The following GRID1 variants were observed in gnomAD, a reference collection of about 807,000 sequenced individuals.
The protein encoded by GRID1 is glutamate receptor ionotropic, delta-1.
GRID1 carries 28 observed loss-of-function variants against 98.0 expected under a neutral mutation model. The ratio of observed to expected loss-of-function variants is 0.29; its 90% CI spans 0.21 to 0.39. The LOEUF (loss-of-function observed/expected upper bound fraction) is 0.39. Among genes scored for constraint, GRID1 ranks in the 10% least tolerant of loss-of-function variants. The pLI, the probability that GRID1 is intolerant of heterozygous loss-of-function variation, is 1.00. For missense variants in GRID1, 1,111 were observed against 1,340.5 expected (o/e 0.83, Z 2.67); for synonymous variants, 553 against 538.5 (o/e 1.03, Z -0.37).
rs577025783 is a variant in GRID1, at chr10:86,147,186, C to T, written c.521-8162G>A. 4.6e-5 allele frequency among the ~76,000 whole-genome samples: 7 copies of T among 152,310 alleles called. No homozygotes were observed. In the East Asian group the frequency reaches 9.7e-4, roughly 21 times the overall value. ...AGGGCTCTCCTGTCCCCATCACAAT[C>T]CCAGCTCCCCAGACAACAGTCATGG... On this transcript the variant is annotated intron_variant, in intron 3 of 15. Coordinates refer to ENST00000327946, the MANE Select transcript of GRID1 (RefSeq NM_017551.3).
intron 2 of GRID1, among the ~76,000 whole-genome samples, chr10:86,300,260 CTGT>C (rs1349983064): frequency 1.3e-5 from 2 of 151,790 alleles, no homozygotes; most frequent in African/African-American, 4.8e-5. Context: ...GAATACATTT[CTGT>C]TGTTGTAAGC....
chr10:85,619,097 C>T (rs927160350), intron 14 of GRID1, among the ~76,000 whole-genome samples: 5 of 152,206 alleles, frequency 3.3e-5, no homozygotes, highest in Non-Finnish European at 7.3e-5. Flanking sequence ...AGATTCATCC[C>T]TTCACCCAGC....
intron 15 of GRID1, chr10:85,613,025 A>G (rs766718987): frequency 1.1e-5 from 2 of 186,852 alleles, no homozygotes; most frequent in Non-Finnish European, 2.2e-5. Context: ...GAAGTAAAAG[A>G]GAATCAGGAA....
chr10:85,847,696 T>C (rs187382053), intron 8 of GRID1, among the ~76,000 whole-genome samples: 5 of 151,824 alleles, frequency 3.3e-5, no homozygotes, highest in South Asian at 2.1e-4. Context: ...TCCATCCCAG[T>C]TAGATGGTAG....
chr10:85,716,767 A>G (rs771813208), intron 12 of GRID1, among the ~76,000 whole-genome samples: 11 of 149,952 alleles, frequency 7.3e-5, no homozygotes, highest in Non-Finnish European at 1.2e-4. Flanking sequence ...ATATATTTCC[A>G]TTGTGACAAC....
chr10:85,909,847 T>C (rs1841513070), intron 5 of GRID1, among the ~76,000 whole-genome samples: 1 of 152,224 alleles, frequency 6.6e-6, no homozygotes, highest in Admixed American at 6.5e-5. Flanking sequence ...TATGGTTTCC[T>C]GGGTATATAC....
Position 86,130,568 on chromosome 10 carries a change from C to T in GRID1, c.726+8251G>A, listed in dbSNP as rs537250194. ...ATGTCGAGAGGAGTTCGGTTGGAGA[C>T]AGTCAGAGAGAAGATCAGCTGCAGG... is the stretch of plus-strand genomic sequence containing the variant. On this transcript the variant is annotated intron_variant, in intron 4 of 15. Transcript: ENST00000327946. 5.9e-5 allele frequency among the ~76,000 whole-genome samples: 9 copies of T among 152,262 alleles called. No homozygotes were observed. The South Asian group carries it at 1.7e-3, about 28-fold the overall frequency.
At chr10:85,844,078 T>C (rs1356791719) in intron 8 of GRID1, among the ~76,000 whole-genome samples, 3 of 152,056 alleles carry the variant, frequency 2.0e-5, no homozygotes, top group African/African-American at 4.8e-5. Flanking sequence ...AATACTCAAC[T>C]ATAAAAGAGA....
At chr10:86,341,035 A>G (rs1318749505) in intron 2 of GRID1, among the ~76,000 whole-genome samples, 3 of 152,106 alleles carry the variant, frequency 2.0e-5, no homozygotes, top group Non-Finnish European at 4.4e-5. Flanking sequence ...CCTGGCTCTC[A>G]GAGGGAGCCC....
At chr10:86,263,187 A>G (rs1341073807) in intron 2 of GRID1, among the ~76,000 whole-genome samples, 1 of 152,222 alleles carries the variant, frequency 6.6e-6, no homozygotes, top group East Asian at 1.9e-4. Flanking sequence ...CAGAACGGTT[A>G]TTTATCCATT....
intron 14 of GRID1, among the ~76,000 whole-genome samples, chr10:85,614,863 C>T (rs959376714): frequency 6.6e-6 from 1 of 152,172 alleles, no homozygotes; most frequent in Admixed American, 6.6e-5. Flanking sequence ...ACCCAGAAGT[C>T]TTAACAGAGA....
chr10:85,853,387 T>C (rs1452899575), intron 8 of GRID1, among the ~76,000 whole-genome samples: 3 of 152,254 alleles, frequency 2.0e-5, no homozygotes, highest in Admixed American at 2.0e-4. Flanking sequence ...AGGACTGTCC[T>C]TCATGCTCCA....
At chr10:85,615,748 C>T (rs182299135) in intron 14 of GRID1, among the ~76,000 whole-genome samples, 110 of 152,336 alleles carry the variant, frequency 7.2e-4, no homozygotes, top group African/African-American at 2.5e-3. Flanking sequence ...GGGCCAACTC[C>T]GTGGCTACAT....
At chr10:85,627,936 C>A (rs949558354) in intron 13 of GRID1, among the ~76,000 whole-genome samples, 3 of 152,180 alleles carry the variant, frequency 2.0e-5, no homozygotes, top group Non-Finnish European at 2.9e-5. Flanking sequence ...GTCACTCCCC[C>A]ACCTTCACCA....
chr10:86,002,555 A>AAG (rs2131875729), intron 4 of GRID1, among the ~76,000 whole-genome samples: 1 of 152,260 alleles, frequency 6.6e-6, no homozygotes, highest in East Asian at 1.9e-4. Flanking sequence ...TTTTCACAAA[A>AAG]TTATTACAGT....
At chr10:85,824,467 C>T (rs1335005037) in intron 8 of GRID1, among the ~76,000 whole-genome samples, 2 of 152,238 alleles carry the variant, frequency 1.3e-5, no homozygotes, top group Admixed American at 1.3e-4. Flanking sequence ...CCGCCTTGGC[C>T]TCCCAAGGTG....
chr10:85,972,233 T>G (rs1364779616), intron 4 of GRID1, among the ~76,000 whole-genome samples: 1 of 150,920 alleles, frequency 6.6e-6, no homozygotes, highest in Admixed American at 6.6e-5. Flanking sequence ...CCTAAGTCTC[T>G]TTTTCCCCCG....
Position 85,854,566 on chromosome 10 carries a change from G to C in GRID1, c.1163C>G (p.Ser388Trp). The change falls in exon 8 of 16, where the codon TCG becomes TGG. Residue 388 changes from serine (S) to tryptophan (W), a missense_variant. Transcript: ENST00000327946. ...TGVMEFREDS[S>W]NPYVQFEILG... Reference sequence around the variant, plus strand: ...GATTTCAAACTGGACATAGGGATTCGAACTGTCCTCCCGAAACTCCATCAC... The same window carrying C: ...GATTTCAAACTGGACATAGGGATTCCAACTGTCCTCCCGAAACTCCATCAC... 6.2e-7 allele frequency: 1 copy of C among 1,613,266 alleles called. No homozygotes were observed. Among genetic ancestry groups the C allele is most frequent in the Non-Finnish European group, 8.5e-7 (1 of 1,179,228 alleles).
At chr10:85,644,334 C>T (rs2132549107) in intron 13 of GRID1, 1 of 152,394 alleles carries the variant, frequency 6.6e-6, no homozygotes, top group South Asian at 2.1e-4. Context: ...GACTTACCAA[C>T]AATGTCCTTC....
Sources: gnomAD v4.1 joint callset for allele counts (sites outside exome capture counted in the v4.1 genomes callset) on GRCh38, gnomAD v4.1.1 for gene constraint, MANE v1.5 for transcripts, NCBI Gene and HGNC (gene_info 2026-07-23, HGNC 2026-07-21) for gene names.